MAGI2: variants seen among roughly 807,000 people sequenced by gnomAD.
The protein encoded by MAGI2 is membrane-associated guanylate kinase, WW and PDZ domain-containing protein 2.
A neutral mutation model predicts 133.3 loss-of-function variants in MAGI2; 35 were observed. The ratio of observed to expected loss-of-function variants is 0.26; its 90% CI spans 0.20 to 0.35. The LOEUF (loss-of-function observed/expected upper bound fraction) is 0.35. Among genes scored for constraint, MAGI2 ranks in the 10% least tolerant of loss-of-function variants. MAGI2 has a pLI of 1.00. For synonymous variants in MAGI2, 729 were observed against 710.6 expected, an observed-to-expected ratio of 1.03 and a Z score of -0.41; for missense variants, 1,636 against 1,863.4, an observed-to-expected ratio of 0.88 and a Z score of 2.25.
intron 1 of MAGI2, among the ~76,000 whole-genome samples, chr7:79,099,556 T>G (rs1817791071): frequency 6.6e-6 from 1 of 152,226 alleles, no homozygotes; most frequent in Admixed American, 6.5e-5. Context: ...GGGATGGATG[T>G]ACAGATTATT....
chr7:79,441,701 C>CA (rs1848507638), intron 1 of MAGI2, among the ~76,000 whole-genome samples: 1 of 151,756 alleles, frequency 6.6e-6, no homozygotes, highest in African/African-American at 2.4e-5. Flanking sequence ...CACTTTATGG[C>CA]AAAAACTTGT....
chr7:79,188,156 T>C (rs1466479068), intron 1 of MAGI2, among the ~76,000 whole-genome samples: 5 of 151,870 alleles, frequency 3.3e-5, no homozygotes, highest in Non-Finnish European at 5.9e-5. Flanking sequence ...ACGCAGGATG[T>C]GCAGGTTTGT....
chr7:78,061,777 C>T (rs1018602883), intron 21 of MAGI2, among the ~76,000 whole-genome samples: 3 of 151,784 alleles, frequency 2.0e-5, no homozygotes, highest in African/African-American at 7.3e-5. Context: ...AGTTGAAGAC[C>T]CCAGAGGAGC....
At chr7:78,194,405 T>C (rs769544138) in intron 12 of MAGI2, among the ~76,000 whole-genome samples, 5 of 152,158 alleles carry the variant, frequency 3.3e-5, no homozygotes, top group Non-Finnish European at 7.3e-5. Flanking sequence ...AGTACTGCAT[T>C]CGAAACCAAT....
Position 78,972,892 on chromosome 7 carries a change from T to C in MAGI2, c.418+34198A>G, listed in dbSNP as rs966473413. ...GGAGGTATTTACGGCTAAAATTAAC[T>C]GAAGTAAAGAGGAGATAGTTTGTGA... On this transcript the variant is annotated intron_variant, in intron 2 of 21. Coordinates refer to ENST00000354212, the MANE Select transcript of MAGI2 (RefSeq NM_012301.4). 2.6e-5 allele frequency among the ~76,000 whole-genome samples: 4 copies of C among 151,490 alleles called. No homozygotes were observed. In the East Asian group the frequency reaches 7.8e-4, roughly 30 times the overall value.
chr7:78,922,496 T>G (rs1799339341), intron 2 of MAGI2, among the ~76,000 whole-genome samples: 1 of 151,834 alleles, frequency 6.6e-6, no homozygotes, highest in African/African-American at 2.4e-5. Flanking sequence ...TCCAATTTCA[T>G]CCATGTCCCT....
chr7:78,704,959 A>C (rs1340022280), intron 2 of MAGI2, among the ~76,000 whole-genome samples: 1 of 151,948 alleles, frequency 6.6e-6, no homozygotes, highest in Non-Finnish European at 1.5e-5. Flanking sequence ...CACTGAGTAC[A>C]TGTGGACAGA....
Position 79,207,198 on chromosome 7 carries a change from C to A in MAGI2, c.302-199992G>T, listed in dbSNP as rs149274132. On this transcript the variant is annotated intron_variant, in intron 1 of 21. Coordinates refer to ENST00000354212, the MANE Select transcript of MAGI2 (RefSeq NM_012301.4). ...CTACTCTCACCACTTTTATCCAATA[C>A]AGTACTGCACGTTCTAGGCAGAGCA... Among the ~76,000 whole-genome samples, 34 of 151,978 alleles carry A rather than the reference C, an allele frequency of 2.2e-4. 1 individual carries two copies. Among genetic ancestry groups the A allele is most frequent in the African/African-American group, 8.0e-4 (33 of 41,384 alleles).
rs376408791 is a variant in MAGI2 at position 79,316,519 on chromosome 7, GT to G, written c.301+136500del. ...CATACGCACATACATATGCATTTCT[GT>G]ATTTGAAGAAACTTTTTAGCTTTGT... On this transcript the variant is annotated intron_variant, in intron 1 of 21. Coordinates refer to ENST00000354212, the MANE Select transcript of MAGI2 (RefSeq NM_012301.4). Among the ~76,000 whole-genome samples the G allele has an allele frequency of 1.6e-3, 244 of 152,180 alleles. 1 individual carries two copies. The highest frequency in any genetic ancestry group is 5.4e-3 in the African/African-American group (223 of 41,532).
chr7:78,523,433 C>T (rs767340139), intron 3 of MAGI2, among the ~76,000 whole-genome samples: 12 of 151,898 alleles, frequency 7.9e-5, no homozygotes, highest in South Asian at 2.1e-4. Flanking sequence ...GAGCTGAGAT[C>T]GCGCCACTGC....
intron 2 of MAGI2, among the ~76,000 whole-genome samples, chr7:78,799,936 T>C (rs190437412): frequency 1.3e-5 from 2 of 152,320 alleles, no homozygotes; most frequent in Admixed American, 1.3e-4. Context: ...AGCATTTCTT[T>C]TGGGCAGAAA....
chr7:78,078,761 T>C (rs530897233), intron 21 of MAGI2, 186 bp downstream of exon 21: 16 of 649,550 alleles, frequency 2.5e-5, no homozygotes, highest in South Asian at 1.9e-4. Context: ...ATTTATTTCC[T>C]GGGCATAAAC....
chr7:78,616,254 C>T (rs1173014039), intron 3 of MAGI2: 1 of 152,286 alleles, frequency 6.6e-6, no homozygotes, highest in African/African-American at 2.4e-5. Flanking sequence ...CTACCTCTTT[C>T]ATACGTTTAA....
At chr7:78,626,862 A>G (rs1355276984) in intron 3 of MAGI2, among the ~76,000 whole-genome samples, 1 of 145,428 alleles carries the variant, frequency 6.9e-6, no homozygotes, top group East Asian at 2.0e-4. Context: ...GTGTGTGTGT[A>G]TAAAATAGGT....
In MAGI2 at chr7:78,113,152, C is replaced by A. The variant is rs1202736242; in HGVS notation, c.3567+12542G>T. Among the ~76,000 whole-genome samples, 4 of 104,210 alleles carry A rather than the reference C, an allele frequency of 3.8e-5. No individual in the cohort carries two copies. The South Asian group carries it at 1.1e-3, about 29-fold the overall frequency. The allele number at this position is 104,210 out of a possible 152,430, so 68.4% of individuals were successfully genotyped here. On this transcript the variant is annotated intron_variant, in intron 20 of 21. Coordinates refer to ENST00000354212, the MANE Select transcript of MAGI2 (RefSeq NM_012301.4). ...TGGGAGGGGGACTGGGGATAGAACA[C>A]GCAGGGAGGGGGACTGGGGATAGAA...
At chr7:78,625,389 G>GA (rs1808238983) in intron 3 of MAGI2, among the ~76,000 whole-genome samples, 1 of 151,304 alleles carries the variant, frequency 6.6e-6, no homozygotes, top group African/African-American at 2.4e-5. Context: ...TACAAAGAAA[G>GA]AAAAAATCTT....
intron 1 of MAGI2, among the ~76,000 whole-genome samples, chr7:79,149,206 G>A (rs532658154): frequency 8.8e-5 from 13 of 148,414 alleles, no homozygotes; most frequent in South Asian, 2.1e-4. Context: ...TATATAGAGC[G>A]AGAGAGAACC....
intron 2 of MAGI2, among the ~76,000 whole-genome samples, chr7:78,705,759 C>T (rs958398826): frequency 5.9e-5 from 9 of 152,122 alleles, no homozygotes; most frequent in African/African-American, 2.2e-4. Context: ...GAAAAAATAG[C>T]TGACTGGATT....
At chr7:78,658,784 G>A (rs577834164) in intron 2 of MAGI2, among the ~76,000 whole-genome samples, 8 of 152,082 alleles carry the variant, frequency 5.3e-5, no homozygotes, top group Admixed American at 5.2e-4. Flanking sequence ...CACCTATCAC[G>A]ACAGCTAAAA....
Sources: gnomAD v4.1 joint callset for allele counts (sites outside exome capture counted in the v4.1 genomes callset) on GRCh38, gnomAD v4.1.1 for gene constraint, MANE v1.5 for transcripts, NCBI Gene and HGNC (gene_info 2026-07-23, HGNC 2026-07-21) for gene names.